DDX10: variants seen among roughly 807,000 people sequenced by gnomAD.
DDX10 encodes DEAD-box helicase 10.
Under a neutral mutation model 104.3 loss-of-function variants are expected in DDX10, and 74 were observed. The observed-to-expected ratio is 0.71, with a 90% CI of 0.59 to 0.86. The LOEUF (loss-of-function observed/expected upper bound fraction) is 0.86, where lower values mean the gene tolerates loss of function less well. Ranked by LOEUF, DDX10 falls within the 40% of genes least tolerant of loss-of-function variation. The pLI is 0.00. For synonymous variants in DDX10, 351 were observed against 353.4 expected (o/e 0.99, Z 0.08); for missense variants, 952 against 1,040.0 (o/e 0.92, Z 1.16).
intron 2 of DDX10, 51 bp downstream of exon 2, chr11:108,673,578 G>A (rs1170094695): frequency 7.5e-7 from 1 of 1,330,206 alleles, no homozygotes; most frequent in Admixed American, 1.9e-5. Context: ...TGGCATTTTT[G>A]ATAAATGGGA....
rs1565247720 is a variant in DDX10 at position 108,689,041 on chromosome 11, AT to A, written c.961del (p.Ser321ProfsTer32). 2 of 1,613,944 alleles carry A rather than the reference AT, an allele frequency of 1.2e-6. No individual in the cohort carries two copies. Among genetic ancestry groups the A allele is most frequent in the East Asian group, 4.5e-5 (2 of 44,868 alleles). On this transcript the variant is annotated frameshift_variant, in exon 7 of 18. Coordinates refer to ENST00000322536, the MANE Select transcript of DDX10 (RefSeq NM_004398.4). LOFTEE classifies it high-confidence loss of function. Reference sequence around the variant, plus strand: ...GCCATCTGAAGAAGAAGAGCATTGTATTTTTTTCCAGTTGCAAAGAGGTATT... The same window carrying A: ...GCCATCTGAAGAAGAAGAGCATTGTATTTTTTCCAGTTGCAAAGAGGTATT... ...RSHLKKKSIVFFSSCKEVQYL... is the reference protein window; with the variant it reads ...RSHLKKKSIVXFSSCKEVQYL...
At chr11:108,787,128 T>G (rs142221215) in intron 13 of DDX10, among the ~76,000 whole-genome samples, 283 of 152,348 alleles carry the variant, frequency 1.9e-3, no homozygotes, top group African/African-American at 6.3e-3. Flanking sequence ...TATGAGGTTC[T>G]TGGCTGTAAT....
intron 9 of DDX10, among the ~76,000 whole-genome samples, chr11:108,706,475 A>C (rs929462098): frequency 6.6e-6 from 1 of 152,198 alleles, no homozygotes; most frequent in Non-Finnish European, 1.5e-5. Context: ...GAGCTATTTA[A>C]GAAAATCTCT....
At chr11:108,852,323 C>A (rs1862805329) in intron 16 of DDX10, 114 bp downstream of exon 16, 1 of 700,026 alleles carries the variant, frequency 1.4e-6, no homozygotes, top group Non-Finnish European at 2.3e-6. Context: ...TTTAAATCCT[C>A]TTCTTTTCAA....
chr11:108,762,602 C>T (rs879719143), intron 13 of DDX10, among the ~76,000 whole-genome samples: 4 of 152,060 alleles, frequency 2.6e-5, no homozygotes, highest in Non-Finnish European at 5.9e-5. Flanking sequence ...TATTGAAGGT[C>T]CTATGAGACA....
At chr11:108,799,947 C>G (rs1416663159) in intron 13 of DDX10, among the ~76,000 whole-genome samples, 2 of 151,964 alleles carry the variant, frequency 1.3e-5, no homozygotes, top group African/African-American at 2.4e-5. Context: ...TGGAGTCTGT[C>G]TCTCTCTGTT....
At chr11:108,759,693 T>G (rs1266537349) in intron 13 of DDX10, among the ~76,000 whole-genome samples, 2 of 152,044 alleles carry the variant, frequency 1.3e-5, no homozygotes, top group African/African-American at 4.8e-5. Context: ...AGAATTTGAT[T>G]GTGTGTCTCA....
Position 108,762,869 on chromosome 11 carries a change from T to C in DDX10, c.1965+39407T>C, listed in dbSNP as rs544728235. ...TTCTTTCCTTTCTCGGACAATAATATTGTTTTAAGCATTTCTTAAAATGTT... is the reference window on the plus strand; with the variant it reads ...TTCTTTCCTTTCTCGGACAATAATACTGTTTTAAGCATTTCTTAAAATGTT... On this transcript the variant is annotated intron_variant, in intron 13 of 17. Transcript: ENST00000322536. Among the ~76,000 whole-genome samples the C allele has an allele frequency of 2.6e-5, 4 of 152,334 alleles. No individual in the cohort carries two copies. The South Asian group carries it at 8.3e-4, about 32-fold the overall frequency.
chr11:108,881,934 G>T (rs1157347216), intron 16 of DDX10, among the ~76,000 whole-genome samples: 1 of 152,044 alleles, frequency 6.6e-6, no homozygotes, highest in Non-Finnish European at 1.5e-5. Flanking sequence ...ACTCTATATG[G>T]TGCTGACCAA....
Position 108,838,460 on chromosome 11 carries a change from T to C in DDX10, c.1980T>C (p.Ser660=). The change falls in exon 14 of 18, where the codon TCT becomes TCC. Residue 660 remains serine, a synonymous_variant. Coordinates refer to ENST00000322536, the MANE Select transcript of DDX10 (RefSeq NM_004398.4). Reference sequence around the variant, plus strand: ...TTCTCACACAGAAGAAAGAACCTTCTAAATCCAGCATCAAGAAAAAAATGA... The same window carrying C: ...TTCTCACACAGAAGAAAGAACCTTCCAAATCCAGCATCAAGAAAAAAATGA... The part of the protein sequence containing the change: ...DEKTLQKKEP[S]KSSIKKKMTK... 6.2e-7 allele frequency: 1 copy of C among 1,611,254 alleles called. No homozygotes were observed. Among genetic ancestry groups the C allele is most frequent in the South Asian group, 1.1e-5 (1 of 90,578 alleles).
At chr11:108,724,272 G>A (rs952853418) in intron 13 of DDX10, among the ~76,000 whole-genome samples, 3 of 151,502 alleles carry the variant, frequency 2.0e-5, no homozygotes, top group Admixed American at 2.0e-4. Context: ...GTTTCTTTAA[G>A]TAACTAAAAA....
intron 13 of DDX10, among the ~76,000 whole-genome samples, chr11:108,792,743 G>A (rs534653972): frequency 6.6e-5 from 10 of 151,682 alleles, no homozygotes; most frequent in Admixed American, 1.3e-4. Context: ...TTCTTTTCAC[G>A]TCCGTATATA....
intron 8 of DDX10, among the ~76,000 whole-genome samples, chr11:108,692,279 A>G (rs1473115929): frequency 6.6e-6 from 1 of 152,198 alleles, no homozygotes; most frequent in Non-Finnish European, 1.5e-5. Context: ...ATCCTGAGGA[A>G]CCTACAAAAT....
chr11:108,675,783 GC>G, intron 3 of DDX10, 57 bp downstream of exon 3: 1 of 1,581,912 alleles, frequency 6.3e-7, no homozygotes, highest in Non-Finnish European at 8.6e-7. Flanking sequence ...AACATTCTGT[GC>G]CCAGATGCAG....
At chr11:108,728,021 G>T (rs1161099081) in intron 13 of DDX10, among the ~76,000 whole-genome samples, 1 of 150,812 alleles carries the variant, frequency 6.6e-6, no homozygotes, top group Admixed American at 6.6e-5. Flanking sequence ...TTAAGTTGGG[G>T]GAAAAAAGTC....
intron 16 of DDX10, among the ~76,000 whole-genome samples, chr11:108,897,307 C>T (rs1863454545): frequency 6.6e-6 from 1 of 152,114 alleles, no homozygotes. Flanking sequence ...GCTGACTCTC[C>T]ACACAAAGGC....
chr11:108,888,216 A>G (rs1475752282), intron 16 of DDX10, among the ~76,000 whole-genome samples: 1 of 152,216 alleles, frequency 6.6e-6, no homozygotes, highest in Admixed American at 6.5e-5. Context: ...CCATAAAAAA[A>G]ACCTCTCTGT....
chr11:108,682,155 A>G (rs534689482), intron 6 of DDX10, among the ~76,000 whole-genome samples: 6 of 150,904 alleles, frequency 4.0e-5, no homozygotes, highest in African/African-American at 1.5e-4. Flanking sequence ...CCCAGGCTGG[A>G]GTGCAGTGGC....
intron 16 of DDX10, among the ~76,000 whole-genome samples, chr11:108,892,785 T>C (rs1418621946): frequency 6.6e-6 from 1 of 152,222 alleles, no homozygotes; most frequent in African/African-American, 2.4e-5. Flanking sequence ...ATTCTTTTAA[T>C]GATGAAGGAA....
Sources: allele counts gnomAD v4.1 joint callset (sites outside exome capture counted in the v4.1 genomes callset), GRCh38; gene constraint gnomAD v4.1.1; transcripts MANE v1.5; gene names NCBI Gene and HGNC (gene_info 2026-07-23, HGNC 2026-07-21).